Variants in SETX observed in about 807,000 individuals in gnomAD.
SETX encodes senataxin.
A neutral mutation model predicts 227.2 loss-of-function variants in SETX; 90 were observed. The ratio of observed to expected loss-of-function variants is 0.40; its 90% CI spans 0.33 to 0.47. SETX has a LOEUF of 0.47. SETX is among the 20% of genes least tolerant of loss of function. SETX has a pLI of 0.91. For synonymous variants in SETX, 1,210 were observed against 1,113.2 expected (o/e 1.09, Z -1.73); for missense variants, 3,052 against 3,181.5 (o/e 0.96, Z 0.98).
At chr9:132,320,238 T>C (rs1483645813) in intron 10 of SETX, among the ~76,000 whole-genome samples, 1 of 152,114 alleles carries the variant, frequency 6.6e-6, no homozygotes, top group Admixed American at 6.5e-5. Flanking sequence ...TAAATCTATG[T>C]TTCAGGTTCT....
chr9:132,290,112 G>A (rs1358976297), intron 15 of SETX, among the ~76,000 whole-genome samples: 2 of 152,106 alleles, frequency 1.3e-5, no homozygotes, highest in African/African-American at 2.4e-5. Flanking sequence ...AGGAGGCTGA[G>A]GCTGGAAAGT....
At chr9:132,307,625 T>A (rs944709986) in intron 11 of SETX, among the ~76,000 whole-genome samples, 1 of 151,844 alleles carries the variant, frequency 6.6e-6, no homozygotes, top group African/African-American at 2.4e-5. Context: ...CACCAATCCA[T>A]GCACTCATAG....
chr9:132,271,604 A>T (rs1589610613), intron 24 of SETX, 106 bp downstream of exon 24: 25 of 987,834 alleles, frequency 2.5e-5, no homozygotes, highest in South Asian at 9.0e-5. Context: ...AAAGAAAATT[A>T]AAAAAGCAAA....
At chr9:132,352,586 A>G (rs577071326) in intron 2 of SETX, among the ~76,000 whole-genome samples, 9 of 152,360 alleles carry the variant, frequency 5.9e-5, no homozygotes, top group Admixed American at 1.3e-4. Context: ...CCCCGTATCT[A>G]CTAAAAATAT....
Position 132,278,106 on chromosome 9 carries a change from G to A in SETX, c.6806C>T (p.Ser2269Phe), listed in dbSNP as rs777805255. 1.9e-6 allele frequency: 3 copies of A among 1,614,084 alleles called. No homozygotes were observed. The highest frequency in any genetic ancestry group is 3.3e-5 in the Admixed American group (2 of 60,018). The change falls in exon 21 of 26, where the codon TCT becomes TTT. Residue 2269 changes from serine (S) to phenylalanine (F), a missense_variant. Around this residue, in one of 10 missense-constraint regions of SETX, gnomAD observed 412 missense variants for 589.0 expected, o/e 0.70. Transcript: ENST00000224140. ...RMHPDICLFP[S>F]NYVYNRNLKT... ...TAAGTTTCTGTTATAAACATAATTA[G>A]AAGGGAAGAGGCATATGTCTGGATG...
At chr9:132,296,148 T>A in intron 14 of SETX, 120 bp from the exon 15 acceptor site, 1 of 1,219,330 alleles carries the variant, frequency 8.2e-7, no homozygotes, top group Non-Finnish European at 1.2e-6. Flanking sequence ...GTAATAAAGT[T>A]AAAAATAAAT....
intron 3 of SETX, among the ~76,000 whole-genome samples, chr9:132,347,186 A>C (rs1848339144): frequency 6.7e-6 from 1 of 150,068 alleles, no homozygotes; most frequent in Non-Finnish European, 1.5e-5. Context: ...CAGGAGGCGG[A>C]GGTTGCAGTG....
chr9:132,300,130 CAAAAA>C (rs72582907), intron 12 of SETX, among the ~76,000 whole-genome samples: 2 of 47,206 alleles, frequency 4.2e-5, no homozygotes, highest in African/African-American at 1.4e-4. Context: ...AACTCCGTCT[CAAAAA>C]AAAAAAAAAA....
intron 2 of SETX, among the ~76,000 whole-genome samples, chr9:132,349,676 C>A (rs897785652): frequency 1.3e-5 from 2 of 152,090 alleles, no homozygotes; most frequent in South Asian, 2.1e-4. Flanking sequence ...TATCATAAGG[C>A]AACATAAAGT....
chr9:132,344,913 G>A (rs957694975), intron 4 of SETX, among the ~76,000 whole-genome samples: 3 of 151,694 alleles, frequency 2.0e-5, no homozygotes, highest in African/African-American at 7.3e-5. Flanking sequence ...TGATAGGTTA[G>A]GGAAATGCCT....
At chr9:132,315,125 G>A (rs1261963846) in intron 10 of SETX, among the ~76,000 whole-genome samples, 1 of 151,992 alleles carries the variant, frequency 6.6e-6, no homozygotes, top group African/African-American at 2.4e-5. Context: ...AGTTGGCCAG[G>A]CTGGTCTCAA....
intron 25 of SETX, 137 bp downstream of exon 25, chr9:132,269,478 A>G: frequency 6.3e-7 from 1 of 1,594,516 alleles, no homozygotes; most frequent in Non-Finnish European, 8.6e-7. Flanking sequence ...AAAAGCTCCT[A>G]GGAAGAAGTT....
At position 132,263,785 on chromosome 9, in the gene SETX, G is replaced by T; in HGVS notation, c.*454C>A. ...TATCTGTCTTGCTCTAACAATGGTT[G>T]AAAGGACCCGCCCTCCTCCCATCTT... On this transcript the variant is annotated 3_prime_UTR_variant, in exon 26 of 26. Transcript: ENST00000224140. 5.5e-6 allele frequency: 1 copy of T among 181,920 alleles called. No individual in the cohort carries two copies. Among genetic ancestry groups the T allele is most frequent in the Non-Finnish European group, 1.2e-5 (1 of 86,402 alleles). 11.3% of individuals were successfully genotyped at this position (181,920 alleles called of 1,614,324 possible).
intron 10 of SETX, among the ~76,000 whole-genome samples, chr9:132,321,605 TG>T (rs1846339106): frequency 5.6e-5 from 7 of 125,274 alleles, no homozygotes; most frequent in South Asian, 2.5e-4. Flanking sequence ...TGCAGTGAGC[TG>T]AGATCATGCC....
intron 15 of SETX, among the ~76,000 whole-genome samples, chr9:132,291,391 C>CT (rs1416040277): frequency 1.3e-5 from 2 of 152,040 alleles, no homozygotes; most frequent in Non-Finnish European, 2.9e-5. Flanking sequence ...TGGTGTTGAT[C>CT]TCCTGACCTC....
At chr9:132,315,989 T>G (rs1845944083) in intron 10 of SETX, among the ~76,000 whole-genome samples, 2 of 152,234 alleles carry the variant, frequency 1.3e-5, no homozygotes, top group Admixed American at 6.5e-5. Context: ...CAACCAACTT[T>G]TAAGTCTTCT....
At position 132,329,863 on chromosome 9, in the gene SETX, G is replaced by C. The variant is rs1847109865; in HGVS notation, c.1735C>G (p.Gln579Glu). 1.2e-6 allele frequency: 2 copies of C among 1,613,962 alleles called. No individual in the cohort carries two copies. Among genetic ancestry groups the C allele is most frequent in the South Asian group, 2.2e-5 (2 of 91,084 alleles). Reference protein sequence around the residue: ...NLSLGWQLTSQETHELQSCLK... With the variant: ...NLSLGWQLTSEETHELQSCLK... ...CAACTTTGTAGCTCATGGGTTTCCT[G>C]ACTAGTCAACTGCCAACCTAGAGAT... The change falls in exon 10 of 26, where the codon CAG becomes GAG. Residue 579 changes from glutamine (Q) to glutamate (E), a missense_variant. Gln to Glu is a conservative substitution (Grantham distance 29). Around this residue, in one of 10 missense-constraint regions of SETX, gnomAD observed 179 missense variants for 197.1 expected, o/e 0.91. Transcript: ENST00000224140.
At chr9:132,334,775 C>G in intron 6 of SETX, 48 bp from the exon 7 acceptor site, 5 of 1,601,430 alleles carry the variant, frequency 3.1e-6, no homozygotes, top group Non-Finnish European at 4.3e-6. Flanking sequence ...TAATACTATA[C>G]TAATGCCTGG....
Position 132,272,463 on chromosome 9 carries a change from T to C in SETX, c.7101-655A>G, listed in dbSNP as rs145366477. 1.4e-3 allele frequency among the ~76,000 whole-genome samples: 207 copies of C among 150,382 alleles called. 1 individual carries two copies. Among genetic ancestry groups the C allele is most frequent in the African/African-American group, 4.3e-3 (177 of 40,734 alleles). On this transcript the variant is annotated intron_variant, in intron 23 of 25. Transcript: ENST00000224140. Reference sequence around the variant, plus strand: ...CATGCCTGGCCTTACAGTCTTTATTTTTAAAGAAACTTAAAAAAAAAAAGA... The same window carrying C: ...CATGCCTGGCCTTACAGTCTTTATTCTTAAAGAAACTTAAAAAAAAAAAGA...
Sources: gnomAD v4.1 joint callset for allele counts (sites outside exome capture counted in the v4.1 genomes callset) on GRCh38, gnomAD v4.1.1 for gene constraint, gnomAD v4.1.1 regional missense constraint, MANE v1.5 for transcripts, NCBI Gene and HGNC (gene_info 2026-07-23, HGNC 2026-07-21) for gene names.